Variants in NDUFAF2 observed in about 807,000 individuals in gnomAD.
NDUFAF2 encodes NADH:ubiquinone oxidoreductase complex assembly factor 2, also known as NADH dehydrogenase [ubiquinone] 1 alpha subcomplex assembly factor 2.
In NDUFAF2, 13 loss-of-function variants were observed where a neutral mutation model predicts 22.8. That is an observed-to-expected ratio of 0.57 (90% CI 0.37 to 0.91). NDUFAF2 has a LOEUF of 0.91. Ranked by LOEUF, NDUFAF2 falls within the 40% of genes least tolerant of loss-of-function variation. The probability of loss-of-function intolerance (pLI) is 0.01; values close to 1 mark genes in which losing one functional copy is unlikely to be tolerated. For missense variants in NDUFAF2, 162 were observed against 195.2 expected (o/e 0.83, Z 1.01); for synonymous variants, 53 against 64.2 (o/e 0.83, Z 0.84).
intron 3 of NDUFAF2, among the ~76,000 whole-genome samples, chr5:61,111,023 C>T (rs890343895): frequency 6.6e-6 from 1 of 151,982 alleles, no homozygotes; most frequent in African/African-American, 2.4e-5. Context: ...TTTCCATTTT[C>T]ATTTGTTTCA....
intron 3 of NDUFAF2, among the ~76,000 whole-genome samples, chr5:61,102,897 G>A (rs1181831363): frequency 1.3e-5 from 2 of 150,954 alleles, no homozygotes; most frequent in Non-Finnish European, 3.0e-5. Context: ...GTAATCAGTG[G>A]AACCACAGTG....
At chr5:61,057,989 ATC>A (rs1202655332) in intron 1 of NDUFAF2, among the ~76,000 whole-genome samples, 1 of 152,154 alleles carries the variant, frequency 6.6e-6, no homozygotes, top group African/African-American at 2.4e-5. Flanking sequence ...ACAAAATGCA[ATC>A]TGTTTATTTT....
chr5:60,982,468 A>G (rs1750997892), intron 1 of NDUFAF2, among the ~76,000 whole-genome samples: 1 of 151,982 alleles, frequency 6.6e-6, no homozygotes, highest in South Asian at 2.1e-4. Flanking sequence ...TTACATATGT[A>G]TATATGTGCC....
intron 3 of NDUFAF2, among the ~76,000 whole-genome samples, chr5:61,101,545 C>T (rs146961502): frequency 1.8e-3 from 275 of 152,188 alleles, no homozygotes; most frequent in South Asian, 3.5e-3. Flanking sequence ...ATCTTATGTT[C>T]CTGGTGCACT....
intron 1 of NDUFAF2, among the ~76,000 whole-genome samples, chr5:60,968,112 C>A (rs1043290848): frequency 2.0e-5 from 3 of 151,732 alleles, no homozygotes; most frequent in African/African-American, 7.3e-5. Flanking sequence ...CTAGGTTATA[C>A]AATTTGTTGG....
At chr5:61,058,971 T>G (rs1332279642) in intron 1 of NDUFAF2, among the ~76,000 whole-genome samples, 3 of 152,060 alleles carry the variant, frequency 2.0e-5, no homozygotes, top group Non-Finnish European at 1.5e-5. Context: ...TGTAACTGCT[T>G]TTTCAGCAGA....
chr5:61,047,061 C>T (rs1431880259), intron 1 of NDUFAF2, among the ~76,000 whole-genome samples: 3 of 152,154 alleles, frequency 2.0e-5, no homozygotes, highest in African/African-American at 4.8e-5. Flanking sequence ...AGCATCAGGA[C>T]TTACTCTTGC....
chr5:61,117,364 A>AT (rs1752924068), intron 3 of NDUFAF2, among the ~76,000 whole-genome samples: 1 of 152,028 alleles, frequency 6.6e-6, no homozygotes, highest in African/African-American at 2.4e-5. Context: ...AAGATGTATA[A>AT]TTTTTTTAAG....
chr5:61,106,737 C>G (rs1752769190), intron 3 of NDUFAF2, among the ~76,000 whole-genome samples: 1 of 150,868 alleles, frequency 6.6e-6, no homozygotes, highest in African/African-American at 2.5e-5. Context: ...CTTCTACTCT[C>G]TATCTCCATA....
intron 1 of NDUFAF2, among the ~76,000 whole-genome samples, chr5:60,993,885 G>A (rs1207452300): frequency 6.6e-6 from 1 of 152,188 alleles, no homozygotes; most frequent in Non-Finnish European, 1.5e-5. Flanking sequence ...GTCCTGAAAA[G>A]GCACCATAAA....
chr5:60,975,797 A>G (rs1056547786), intron 1 of NDUFAF2, among the ~76,000 whole-genome samples: 1 of 152,212 alleles, frequency 6.6e-6, no homozygotes, highest in Non-Finnish European at 1.5e-5. Context: ...TGGAAGCCAA[A>G]TAATTTTTTT....
At chr5:61,053,176 A>G (rs78709717) in intron 1 of NDUFAF2, among the ~76,000 whole-genome samples, 4,463 of 152,306 alleles carry the variant, frequency 0.029, 191 homozygotes, top group East Asian at 0.21. Context: ...GGATCTTTGA[A>G]TGACTGCATG....
intron 1 of NDUFAF2, among the ~76,000 whole-genome samples, chr5:60,977,091 A>T (rs1191080042): frequency 1.3e-5 from 2 of 152,096 alleles, no homozygotes; most frequent in African/African-American, 4.8e-5. Flanking sequence ...TAAATGAGCA[A>T]TATTAAAAAT....
At chr5:61,112,904 A>G (rs1475068962) in intron 3 of NDUFAF2, among the ~76,000 whole-genome samples, 1 of 91,456 alleles carries the variant, frequency 1.1e-5, no homozygotes, top group Non-Finnish European at 2.4e-5. Flanking sequence ...TTTTTTTTGT[A>G]TCTGTTGTAT....
chr5:61,103,339 T>G (rs964389866), intron 3 of NDUFAF2, among the ~76,000 whole-genome samples: 4 of 152,126 alleles, frequency 2.6e-5, no homozygotes, highest in African/African-American at 9.7e-5. Context: ...ATACTCCTGC[T>G]TATGTTTAAT....
intron 3 of NDUFAF2, among the ~76,000 whole-genome samples, chr5:61,119,228 A>G (rs1752948873): frequency 6.6e-6 from 1 of 152,184 alleles, no homozygotes; most frequent in Non-Finnish European, 1.5e-5. Context: ...CTTAAGGCTT[A>G]TATATTTGCA....
rs539241032 is a variant in NDUFAF2 at position 61,015,292 on chromosome 5, T to A, written c.128-57833T>A. On this transcript the variant is annotated intron_variant, in intron 1 of 3. Transcript: ENST00000296597. ...ACCCAATTTTTTAAATTAATTTTTTTAATTTTTCAGACAGGGTCTTGCTCT... is the reference window on the plus strand; with the variant it reads ...ACCCAATTTTTTAAATTAATTTTTTAAATTTTTCAGACAGGGTCTTGCTCT... Among the ~76,000 whole-genome samples the A allele has an allele frequency of 2.6e-4, 39 of 152,334 alleles. No individual in the cohort carries two copies. In the East Asian group the frequency reaches 4.6e-3, roughly 18 times the overall value.
intron 3 of NDUFAF2, among the ~76,000 whole-genome samples, chr5:61,133,690 G>T (rs1212919925): frequency 3.3e-5 from 5 of 152,154 alleles, no homozygotes; most frequent in East Asian, 3.8e-4. Flanking sequence ...CAGATTATCA[G>T]TCAACAGTGA....
intron 1 of NDUFAF2, among the ~76,000 whole-genome samples, chr5:61,018,442 A>G (rs1400299360): frequency 6.6e-6 from 1 of 152,188 alleles, no homozygotes; most frequent in African/African-American, 2.4e-5. Context: ...TCCAATATTC[A>G]AATAAGTTTA....
Sources: gnomAD v4.1 joint callset for allele counts (sites outside exome capture counted in the v4.1 genomes callset) on GRCh38, gnomAD v4.1.1 for gene constraint, MANE v1.5 for transcripts, NCBI Gene and HGNC (gene_info 2026-07-23, HGNC 2026-07-21) for gene names.